The following SAMD4B variants were observed in gnomAD, a reference collection of about 807,000 sequenced individuals.
SAMD4B encodes the protein protein Smaug homolog 2.
SAMD4B carries 5 observed loss-of-function variants against 74.5 expected under a neutral mutation model. The observed-to-expected ratio is 0.07, with a 90% CI of 0.04 to 0.14. SAMD4B has a LOEUF of 0.14. Among genes scored for constraint, SAMD4B ranks in the 10% least tolerant of loss-of-function variants. The probability of loss-of-function intolerance (pLI) is 1.00; values close to 1 mark genes in which losing one functional copy is unlikely to be tolerated. For missense variants in SAMD4B, 608 were observed against 921.8 expected, an observed-to-expected ratio of 0.66 and a Z score of 4.41; for synonymous variants, 373 against 374.9, an observed-to-expected ratio of 1.00 and a Z score of 0.06.
At chr19:39,381,481 G>A (rs2077983046) in intron 12 of SAMD4B, among the ~76,000 whole-genome samples, 1 of 152,176 alleles carries the variant, frequency 6.6e-6, no homozygotes, top group Non-Finnish European at 1.5e-5. Context: ...GACAGTTAAA[G>A]TGTGAGATTT....
Position 39,378,799 on chromosome 19 carries a change from C to T in SAMD4B, c.1530+210C>T, listed in dbSNP as rs1600583902. ...GCAGGTGCCTGCAGTCCCAGCTACG[C>T]GGGAGGCTGAGGCAGAATGGCGTGA... On this transcript the variant is annotated intron_variant, in intron 9 of 13. Coordinates refer to ENST00000610417, the MANE Select transcript of SAMD4B (RefSeq NM_001384574.2). The surrounding 1 kb of genome is among the most constrained non-coding windows in gnomAD (Gnocchi z 4.4). Among the ~76,000 whole-genome samples, 1 of 152,228 alleles carries T rather than the reference C, an allele frequency of 6.6e-6. No homozygotes were observed. The highest frequency in any genetic ancestry group is 2.4e-5 in the African/African-American group (1 of 41,452).
chr19:39,368,957 A>G (rs777759296), intron 3 of SAMD4B, among the ~76,000 whole-genome samples: 6 of 152,202 alleles, frequency 3.9e-5, no homozygotes, highest in Non-Finnish European at 8.8e-5. Flanking sequence ...CCATTCAGGA[A>G]GGAGACTGCT....
chr19:39,386,324 C>G, downstream of SAMD4B: 1 of 1,614,180 alleles, frequency 6.2e-7, no homozygotes, highest in Non-Finnish European at 8.5e-7. This position sits in a 1 kb window ranked among gnomAD's most constrained non-coding sequence, Gnocchi z 6.1. Context: ...TGTCACCTTC[C>G]TCCCGTTCAC....
chr19:39,365,035 C>T (rs188040948), intron 3 of SAMD4B, among the ~76,000 whole-genome samples: 2 of 151,304 alleles, frequency 1.3e-5, no homozygotes, highest in East Asian at 1.9e-4. Context: ...GTCAGGAGAT[C>T]GAGACCATCC....
chr19:39,385,823 A>G, downstream of SAMD4B: 1 of 1,032,828 alleles, frequency 9.7e-7, no homozygotes. Flanking sequence ...TGCTGGGCTG[A>G]ATGACATCAT....
chr19:39,378,435 G>C lies in SAMD4B; in HGVS notation c.1445-69G>C. 7.1e-7 allele frequency: 1 copy of C among 1,411,638 alleles called. No homozygotes were observed. Among genetic ancestry groups the C allele is most frequent in the Non-Finnish European group, 1.0e-6 (1 of 999,576 alleles). 87.4% of individuals were successfully genotyped at this position (1,411,638 alleles called of 1,614,324 possible). A position where few individuals can be genotyped will look rare whatever the true frequency, so the allele number is the denominator to read the frequency against. On this transcript the variant is annotated intron_variant, in intron 8 of 13. Coordinates refer to ENST00000610417, the MANE Select transcript of SAMD4B (RefSeq NM_001384574.2). The surrounding 1 kb of genome is among the most constrained non-coding windows in gnomAD (Gnocchi z 4.4). Reference sequence around the variant, plus strand: ...CCTGTTCCTTCTTGTGCACGAGCCAGCTGGAGGCTGGAACATGGCAGAGGG... The same window carrying C: ...CCTGTTCCTTCTTGTGCACGAGCCACCTGGAGGCTGGAACATGGCAGAGGG...
Position 39,357,024 on chromosome 19 carries a change from G to T in SAMD4B, c.131G>T (p.Cys44Phe). 6.2e-7 allele frequency: 1 copy of T among 1,614,054 alleles called. No homozygotes were observed. Among genetic ancestry groups the T allele is most frequent in the East Asian group, 2.2e-5 (1 of 44,888 alleles). Residue 44 changes from cysteine to phenylalanine, a missense_variant, in exon 3 of 14, where the codon TGC (cysteine) becomes TTC (phenylalanine). This residue lies in a region of SAMD4B where 74 missense variants were observed against 182.0 expected (regional missense o/e 0.41). Coordinates refer to ENST00000610417, the MANE Select transcript of SAMD4B (RefSeq NM_001384574.2). Reference sequence around the variant, plus strand: ...ACCCAGGCCCGCTTCCTGCAGCTCTGCCTGGAGCACTCACTGGCGGACTGC... The same window carrying T: ...ACCCAGGCCCGCTTCCTGCAGCTCTTCCTGGAGCACTCACTGGCGGACTGC... ...TRTQARFLQL[C>F]LEHSLADCND...
Position 39,379,947 on chromosome 19 carries a change from G to A in SAMD4B, c.1531-19G>A, listed in dbSNP as rs770860595. On this transcript the variant is annotated intron_variant, in intron 9 of 13. Transcript: ENST00000610417. The stretch of plus-strand genomic sequence containing the variant: ...GAAGCATCACCCTCTCTGCTTCACC[G>A]GTGTCCTGCCAATTCTAGGCTTTCA... The A allele has an allele frequency of 1.6e-5, 25 of 1,596,088 alleles. No individual in the cohort carries two copies. The highest frequency in any genetic ancestry group is 5.0e-5 in the Admixed American group (3 of 59,650).
downstream of SAMD4B, chr19:39,389,794 A>G (rs546407852): frequency 1.9e-6 from 3 of 1,613,496 alleles, no homozygotes; most frequent in South Asian, 2.2e-5. The surrounding 1 kb of genome is among the most constrained non-coding windows in gnomAD (Gnocchi z 5.3). Context: ...TGGTGTTTGG[A>G]TTCCAGCTTC....
rs1468843889 is a variant in SAMD4B, at chr19:39,342,504, C to T, written c.-339C>T. 1.2e-5 allele frequency: 2 copies of T among 173,822 alleles called. No individual in the cohort carries two copies. Among genetic ancestry groups the T allele is most frequent in the Non-Finnish European group, 2.4e-5 (2 of 85,106 alleles). 10.8% of individuals were successfully genotyped at this position (173,822 alleles called of 1,614,324 possible). On this transcript the variant is annotated 5_prime_UTR_variant, in exon 1 of 14. Coordinates refer to ENST00000610417, the MANE Select transcript of SAMD4B (RefSeq NM_001384574.2). ...GAGGAGGGAGGGGAGCTTGCGGGCC[C>T]GAGAGGGGGCGACGGCGGCGGCGGT...
intron 3 of SAMD4B, among the ~76,000 whole-genome samples, chr19:39,368,000 G>A (rs991926262): frequency 6.6e-6 from 1 of 151,574 alleles, no homozygotes; most frequent in Non-Finnish European, 1.5e-5. Flanking sequence ...GGATCACGAG[G>A]TCAGGAGATC....
In SAMD4B at chr19:39,369,842, T is replaced by C; in HGVS notation, c.384T>C (p.Tyr128=). The change falls in exon 4 of 14, where the codon TAT becomes TAC. Residue 128 remains tyrosine (Y), a synonymous_variant. Coordinates refer to ENST00000610417, the MANE Select transcript of SAMD4B (RefSeq NM_001384574.2). ...FIEESRQLLS[Y]ALIHPATTLE... is the part of the protein sequence containing the mutation. ...AGGAGAGTCGCCAGCTGCTTTCCTA[T>C]GCCCTCATCCACCCAGCCACCACAC... 1 of 1,614,234 alleles carries C rather than the reference T, an allele frequency of 6.2e-7. No individual in the cohort carries two copies. The highest frequency in any genetic ancestry group is 8.5e-7 in the Non-Finnish European group (1 of 1,180,038).
In SAMD4B at chr19:39,383,692, C is replaced by A. The variant is rs1379970779; in HGVS notation, c.*165C>A. 1.3e-6 allele frequency: 2 copies of A among 1,545,750 alleles called. No individual in the cohort carries two copies. The highest frequency in any genetic ancestry group is 2.7e-5 in the African/African-American group (2 of 73,118). ...AACTTTTGTTTAACATTGGCACATG[C>A]CTTGCTCACTCCCAGGCCCGTCGAG... On this transcript the variant is annotated 3_prime_UTR_variant, in exon 14 of 14. Transcript: ENST00000610417. This position sits in a 1 kb window ranked among gnomAD's most constrained non-coding sequence, Gnocchi z 4.1.
At chr19:39,356,101 C>T (rs1196077547) in intron 2 of SAMD4B, among the ~76,000 whole-genome samples, 1 of 152,030 alleles carries the variant, frequency 6.6e-6, no homozygotes, top group African/African-American at 2.4e-5. Flanking sequence ...CAGCCAGTTA[C>T]TAATCAGATG....
At chr19:39,376,059 A>G (rs2077581913) in intron 5 of SAMD4B, among the ~76,000 whole-genome samples, 170 bp downstream of exon 5, 1 of 152,118 alleles carries the variant, frequency 6.6e-6, no homozygotes, top group Non-Finnish European at 1.5e-5. Context: ...GAGAGACCCC[A>G]CATCTACCCT....
Position 39,383,735 on chromosome 19 carries a change from C to T in SAMD4B, c.*208C>T, listed in dbSNP as rs754088929. ...CCGTCGAGGGATCTCTGCTGAGGCCCGGGGAGTTGGGGGCAGCCAGGATAA... is the reference window on the plus strand; with the variant it reads ...CCGTCGAGGGATCTCTGCTGAGGCCTGGGGAGTTGGGGGCAGCCAGGATAA... On this transcript the variant is annotated 3_prime_UTR_variant, in exon 14 of 14. Coordinates refer to ENST00000610417, the MANE Select transcript of SAMD4B (RefSeq NM_001384574.2). This position sits in a 1 kb window ranked among gnomAD's most constrained non-coding sequence, Gnocchi z 4.1. 46 of 1,534,066 alleles carry T rather than the reference C, an allele frequency of 3.0e-5. No homozygotes were observed. The highest frequency in any genetic ancestry group is 3.6e-5 in the Non-Finnish European group (41 of 1,145,378).
downstream of SAMD4B, chr19:39,388,367 C>G (rs769451141): frequency 2.5e-6 from 4 of 1,613,884 alleles, no homozygotes; most frequent in Non-Finnish European, 8.5e-7. Flanking sequence ...TAGTAAACCC[C>G]GTCACCCTCT....
Position 39,383,708 on chromosome 19 carries a change from G to T in SAMD4B, c.*181G>T, listed in dbSNP as rs544631775. ...TGGCACATGCCTTGCTCACTCCCAG[G>T]CCCGTCGAGGGATCTCTGCTGAGGC... On this transcript the variant is annotated 3_prime_UTR_variant, in exon 14 of 14. Transcript: ENST00000610417. The surrounding 1 kb of genome is among the most constrained non-coding windows in gnomAD (Gnocchi z 4.1). 9.1e-6 allele frequency: 14 copies of T among 1,538,330 alleles called. No homozygotes were observed. In the African/African-American group the frequency reaches 1.8e-4, roughly 20 times the overall value.
chr19:39,349,787 C>T (rs1054865483), intron 1 of SAMD4B: 2 of 152,204 alleles, frequency 1.3e-5, no homozygotes, highest in Non-Finnish European at 2.9e-5. Flanking sequence ...ATTAAAGGGC[C>T]CTTAGGCCCA....
Sources: gnomAD v4.1 joint callset for allele counts (sites outside exome capture counted in the v4.1 genomes callset) on GRCh38, gnomAD v4.1.1 for gene constraint, gnomAD v4.1.1 regional missense constraint, Gnocchi (gnomAD v3.1) non-coding constraint, MANE v1.5 for transcripts, NCBI Gene and HGNC (gene_info 2026-07-23, HGNC 2026-07-21) for gene names.